The following ADGRV1 variants were observed in gnomAD, a reference collection of about 807,000 sequenced individuals.
ADGRV1 encodes the protein G-protein coupled receptor 98.
ADGRV1 carries 359 observed loss-of-function variants against 596.2 expected under a neutral mutation model. That is an observed-to-expected ratio of 0.60 (90% CI 0.55 to 0.66). The LOEUF is 0.66. Among genes scored for constraint, ADGRV1 ranks in the 30% least tolerant of loss-of-function variants. The pLI is 0.00. For synonymous variants in ADGRV1, 2,681 were observed against 2,679.2 expected (o/e 1.00, Z -0.02); for missense variants, 7,274 against 7,575.6 (o/e 0.96, Z 1.48).
chr5:90,711,681 GT>G (rs1348458483), intron 41 of ADGRV1, among the ~76,000 whole-genome samples: 1 of 152,006 alleles, frequency 6.6e-6, no homozygotes, highest in Admixed American at 6.6e-5. Context: ...TCATTTCTTT[GT>G]TTTTGCTCAC....
At chr5:90,675,942 T>A in intron 24 of ADGRV1, 138 bp from the exon 25 acceptor site, 2 of 590,894 alleles carry the variant, frequency 3.4e-6, no homozygotes, top group Non-Finnish European at 5.6e-6. Flanking sequence ...AATGTTGTAT[T>A]TTACTTGTCT....
chr5:91,090,864 C>T (rs1018956863), intron 86 of ADGRV1, among the ~76,000 whole-genome samples: 11 of 152,018 alleles, frequency 7.2e-5, no homozygotes, highest in Admixed American at 2.0e-4. Context: ...ACCTATTTTA[C>T]ATGGAATAGG....
chr5:90,844,848 G>GT (rs1460444751), intron 78 of ADGRV1, among the ~76,000 whole-genome samples: 7 of 152,100 alleles, frequency 4.6e-5, no homozygotes, highest in African/African-American at 1.7e-4. Flanking sequence ...CTACTTGTTC[G>GT]TAAGGCAATT....
In ADGRV1 at chr5:90,712,420, A is replaced by T; in HGVS notation, c.9176A>T (p.Asn3059Ile). ...NPSPGLELGK[N>I]TIALIIVLAN... ...TCTCCTGGACTAGAGCTAGGGAAAA[A>T]TACAATAGGTAATTAATAATTTCTT... The change falls in exon 42 of 90, where the codon AAT becomes ATT. Residue 3059 changes from asparagine (N) to isoleucine (I), a missense_variant. Coordinates refer to ENST00000405460, the MANE Select transcript of ADGRV1 (RefSeq NM_032119.4). 6.3e-7 allele frequency: 1 copy of T among 1,585,604 alleles called. No individual in the cohort carries two copies. The highest frequency in any genetic ancestry group is 8.6e-7 in the Non-Finnish European group (1 of 1,163,390).
At chr5:91,095,945 T>C (rs1790822901) in intron 86 of ADGRV1, among the ~76,000 whole-genome samples, 1 of 152,108 alleles carries the variant, frequency 6.6e-6, no homozygotes, top group African/African-American at 2.4e-5. Context: ...TGTATTTTAA[T>C]AGAGATAGGG....
intron 85 of ADGRV1, among the ~76,000 whole-genome samples, chr5:91,010,749 G>A (rs1221851164): frequency 6.6e-6 from 1 of 151,800 alleles, no homozygotes; most frequent in Non-Finnish European, 1.5e-5. Context: ...CATTTAAACT[G>A]TATTGATCTT....
intron 79 of ADGRV1, among the ~76,000 whole-genome samples, chr5:90,850,497 C>CT (rs1488910268): frequency 6.6e-6 from 1 of 152,114 alleles, no homozygotes; most frequent in Non-Finnish European, 1.5e-5. Flanking sequence ...CATTTATTTG[C>CT]TTCAAGTAAG....
chr5:90,639,023 C>G (rs954945129), intron 11 of ADGRV1, among the ~76,000 whole-genome samples: 2 of 149,750 alleles, frequency 1.3e-5, no homozygotes, highest in South Asian at 2.1e-4. Context: ...AACAAAACAA[C>G]CAAAATACCA....
chr5:91,016,577 T>C (rs573474484), intron 85 of ADGRV1, among the ~76,000 whole-genome samples: 3 of 152,088 alleles, frequency 2.0e-5, no homozygotes, highest in African/African-American at 7.2e-5. Flanking sequence ...GAAACAGACA[T>C]GCAATCCTAT....
At position 90,721,019 on chromosome 5, in the gene ADGRV1, T is replaced by G; in HGVS notation, c.9708T>G (p.Ser3236Arg). The G allele has an allele frequency of 1.2e-6, 2 of 1,612,814 alleles. No homozygotes were observed. Among genetic ancestry groups the G allele is most frequent in the Non-Finnish European group, 8.5e-7 (1 of 1,179,128 alleles). The change falls in exon 45 of 90, where the codon AGT becomes AGG. Residue 3236 changes from serine to arginine, a missense_variant. Physicochemically the swap from Ser to Arg is moderately radical, Grantham distance 110. This residue lies in a region of ADGRV1 where 3,643 missense variants were observed against 3,809.2 expected (regional missense o/e 0.96). Coordinates refer to ENST00000405460, the MANE Select transcript of ADGRV1 (RefSeq NM_032119.4). ...CTAATGGCATTGATTTGGCTGTGAG[T>G]GTGCAGTGGGAGACAGTATCTGAAA... Reference protein sequence around the residue: ...SRTNGIDLAVSVQWETVSETA... With the variant: ...SRTNGIDLAVRVQWETVSETA...
intron 1 of ADGRV1, among the ~76,000 whole-genome samples, chr5:90,594,552 T>C (rs28444092): frequency 1.2e-4 from 17 of 138,994 alleles, no homozygotes; most frequent in African/African-American, 4.8e-4. Context: ...GGCAGGGTCA[T>C]AGGACAATAG....
At chr5:90,892,214 C>T (rs1770890931) in intron 83 of ADGRV1, among the ~76,000 whole-genome samples, 2 of 152,010 alleles carry the variant, frequency 1.3e-5, no homozygotes, top group Admixed American at 6.6e-5. Context: ...CATCATATTT[C>T]TTAACATGTT....
intron 53 of ADGRV1, among the ~76,000 whole-genome samples, chr5:90,751,841 A>G (rs1755292840): frequency 6.6e-6 from 1 of 152,208 alleles, no homozygotes; most frequent in African/African-American, 2.4e-5. Flanking sequence ...TATTGCATTT[A>G]ATATTTACTT....
intron 1 of ADGRV1, among the ~76,000 whole-genome samples, chr5:90,567,776 C>T (rs1320022149): frequency 4.6e-5 from 7 of 151,518 alleles, no homozygotes; most frequent in Admixed American, 4.6e-4. Context: ...GTCTGTTACC[C>T]CGGCGGGAGT....
At chr5:90,956,261 A>G (rs574885820) in intron 83 of ADGRV1, among the ~76,000 whole-genome samples, 1 of 152,318 alleles carries the variant, frequency 6.6e-6, no homozygotes, top group Admixed American at 6.5e-5. Context: ...TATTCAGACT[A>G]TGTATCAGTT....
intron 84 of ADGRV1, among the ~76,000 whole-genome samples, chr5:90,973,551 G>A (rs189652249): frequency 7.9e-5 from 12 of 152,208 alleles, no homozygotes; most frequent in Non-Finnish European, 1.3e-4. Context: ...TTCAACATAT[G>A]CAAATCAGTA....
chr5:90,653,635 A>G lies in ADGRV1; in HGVS notation c.4061A>G (p.Asn1354Ser), dbSNP rs753490322. ...YHPSRNNTIANFTFSAWVMPN... is the reference protein window; with the variant it reads ...YHPSRNNTIASFTFSAWVMPN... ...CCCTCCAGGAATAATACAATTGCCA[A>G]CTTTACATTCTCAGCTTGGGTAATG... Residue 1354 changes from asparagine to serine, a missense_variant, in exon 20 of 90, where the codon AAC becomes AGC. Asn to Ser is a conservative substitution (Grantham distance 46, BLOSUM62 1). This residue lies in a region of ADGRV1 where 1,715 missense variants were observed against 1,708.8 expected (regional missense o/e 1.00). Transcript: ENST00000405460. 2 of 1,613,566 alleles carry G rather than the reference A, an allele frequency of 1.2e-6. No individual in the cohort carries two copies. The highest frequency in any genetic ancestry group is 1.7e-6 in the Non-Finnish European group (2 of 1,179,752).
rs182636738 is a variant in ADGRV1 at position 90,638,401 on chromosome 5, A to G, written c.2240+453A>G. Among the ~76,000 whole-genome samples, 472 of 152,242 alleles carry G rather than the reference A, an allele frequency of 3.1e-3. 2 individuals carry two copies. Among genetic ancestry groups the G allele is most frequent in the African/African-American group, 0.01 (426 of 41,574 alleles). ...TCTCTTTTTTACATGGAACTTAAAC[A>G]TTAATTTTATGATTATTTTCTAAAG... On this transcript the variant is annotated intron_variant, in intron 11 of 89. Coordinates refer to ENST00000405460, the MANE Select transcript of ADGRV1 (RefSeq NM_032119.4).
chr5:91,058,244 C>A (rs1787078125), intron 85 of ADGRV1, among the ~76,000 whole-genome samples: 1 of 152,122 alleles, frequency 6.6e-6, no homozygotes, highest in South Asian at 2.1e-4. Context: ...ATGACCTCTA[C>A]TATCCCTTCT....
Sources: allele counts gnomAD v4.1 joint callset (sites outside exome capture counted in the v4.1 genomes callset), GRCh38; gene constraint gnomAD v4.1.1; regional missense constraint gnomAD v4.1.1; transcripts MANE v1.5; gene names NCBI Gene and HGNC (gene_info 2026-07-23, HGNC 2026-07-21).